The following NAA11 variants were observed in gnomAD, a reference collection of about 807,000 sequenced individuals.
The protein encoded by NAA11 is N-alpha-acetyltransferase 11.
Under a neutral mutation model 16.1 loss-of-function variants are expected in NAA11, and 15 were observed. The ratio of observed to expected loss-of-function variants is 0.93; its 90% confidence interval spans 0.62 to 1.44. The LOEUF (loss-of-function observed/expected upper bound fraction) is 1.44, where lower values mean the gene tolerates loss of function less well. Among genes scored for constraint, NAA11 ranks in the 40% most tolerant of loss-of-function variants. NAA11 has a pLI of 0.00. For missense variants in NAA11, 298 were observed against 291.3 expected (o/e 1.02, Z -0.17); for synonymous variants, 122 against 112.4 (o/e 1.09, Z -0.54).
chr4:79,321,099 A>C (rs1012564704), intron 1 of NAA11, among the ~76,000 whole-genome samples: 2 of 152,262 alleles, frequency 1.3e-5, no homozygotes, highest in South Asian at 2.1e-4. Flanking sequence ...TCCACGCCCA[A>C]GTTTGTGAAG....
the NAA11 span, among the ~76,000 whole-genome samples, chr4:79,190,446 T>A: frequency 8.6e-6 from 1 of 116,300 alleles, no homozygotes; most frequent in Admixed American, 1.1e-4. Flanking sequence ...TTTTGCTTCC[T>A]TGTCTCTCCC....
the NAA11 span, among the ~76,000 whole-genome samples, chr4:79,213,824 T>C: frequency 6.6e-6 from 1 of 152,312 alleles, no homozygotes. Flanking sequence ...TTCATTATAA[T>C]TGCTCACCTT....
chr4:79,221,655 C>T (rs1721190690), downstream of NAA11, among the ~76,000 whole-genome samples: 3 of 99,052 alleles, frequency 3.0e-5, no homozygotes, highest in Admixed American at 1.1e-4. Flanking sequence ...GTCTTTGGCT[C>T]TGTTTATATG....
chr4:79,313,575 T>C (rs757175725), downstream of NAA11, among the ~76,000 whole-genome samples: 1 of 152,172 alleles, frequency 6.6e-6, no homozygotes, highest in Non-Finnish European at 1.5e-5. Context: ...ATATGTATGA[T>C]TTAAAATGAA....
At chr4:79,188,714 T>C in the NAA11 span, among the ~76,000 whole-genome samples, 4 of 152,344 alleles carry the variant, frequency 2.6e-5, no homozygotes, top group Middle Eastern at 6.8e-3. Flanking sequence ...GATTCATCTC[T>C]TGACACGTTT....
At chr4:79,169,041 C>A in the NAA11 span, among the ~76,000 whole-genome samples, 103 of 152,220 alleles carry the variant, frequency 6.8e-4, 1 homozygote, top group African/African-American at 2.3e-3. Flanking sequence ...AGGAATACAA[C>A]TTACAAGGGA....
downstream of NAA11, among the ~76,000 whole-genome samples, chr4:79,223,668 T>A (rs1210081051): frequency 5.3e-5 from 8 of 150,922 alleles, no homozygotes; most frequent in Non-Finnish European, 8.9e-5. Context: ...AAAAGATTTC[T>A]CTACCAGTTG....
chr4:79,183,624 TGAAGAA>T, the NAA11 span, among the ~76,000 whole-genome samples: 6 of 152,214 alleles, frequency 3.9e-5, no homozygotes, highest in Admixed American at 2.0e-4. Flanking sequence ...TCTAATATCC[TGAAGAA>T]GTGCATAATT....
chr4:79,312,625 T>G (rs1172884825), downstream of NAA11, among the ~76,000 whole-genome samples: 1 of 126,216 alleles, frequency 7.9e-6, no homozygotes, highest in African/African-American at 3.2e-5. Flanking sequence ...AGCCCGGGTG[T>G]GACAGAGAGA....
At chr4:79,249,808 C>T (rs1560422932) in intron 2 of NAA11, among the ~76,000 whole-genome samples, 1 of 152,206 alleles carries the variant, frequency 6.6e-6, no homozygotes, top group South Asian at 2.1e-4. Context: ...GACACACAGT[C>T]ATCAGATTCT....
intron 1 of NAA11, chr4:79,305,285 T>A (rs1723543463): frequency 6.6e-6 from 1 of 152,210 alleles, no homozygotes. Flanking sequence ...TTTACATAGA[T>A]CTTAAATATT....
At chr4:79,176,550 C>T in the NAA11 span, among the ~76,000 whole-genome samples, 21 of 152,188 alleles carry the variant, frequency 1.4e-4, no homozygotes, top group African/African-American at 4.3e-4. Context: ...AGGCCTTCAA[C>T]TGATTGTTTG....
intron 1 of NAA11, among the ~76,000 whole-genome samples, chr4:79,302,705 A>C (rs1269224955): frequency 2.0e-5 from 3 of 152,162 alleles, no homozygotes; most frequent in African/African-American, 7.2e-5. Context: ...GTAACTTTCA[A>C]GTAAAATGGT....
At chr4:79,270,591 A>G (rs1722471060) in intron 2 of NAA11, among the ~76,000 whole-genome samples, 1 of 128,256 alleles carries the variant, frequency 7.8e-6, no homozygotes, top group South Asian at 2.8e-4. Context: ...AGAATTTTAG[A>G]CCAATATCCT....
intron 2 of NAA11, among the ~76,000 whole-genome samples, chr4:79,293,517 A>G (rs1219655020): frequency 1.3e-5 from 2 of 152,230 alleles, no homozygotes; most frequent in African/African-American, 4.8e-5. Flanking sequence ...CATTATTTTA[A>G]TTATACAGAT....
the NAA11 span, among the ~76,000 whole-genome samples, chr4:79,201,091 A>G: frequency 6.6e-6 from 1 of 151,592 alleles, no homozygotes; most frequent in Admixed American, 6.6e-5. Flanking sequence ...GTTTCATGCT[A>G]TTCTTAGAAA....
At chr4:79,239,622 C>T (rs575108044) in intron 2 of NAA11, among the ~76,000 whole-genome samples, 16 of 152,208 alleles carry the variant, frequency 1.1e-4, no homozygotes, top group Middle Eastern at 6.8e-3. Flanking sequence ...ATCGCTTGAA[C>T]CCGGAAGGCG....
At chr4:79,315,234 A>G (rs1052210281), downstream of NAA11, among the ~76,000 whole-genome samples, 2 of 152,156 alleles carry the variant, frequency 1.3e-5, no homozygotes, top group Admixed American at 6.5e-5. Flanking sequence ...TAATAACCAA[A>G]TGACTTAGCT....
the NAA11 span, among the ~76,000 whole-genome samples, chr4:79,157,148 C>A: frequency 1.3e-5 from 2 of 151,826 alleles, no homozygotes; most frequent in Non-Finnish European, 2.9e-5. Context: ...GTTGGCATTT[C>A]GTTATATGAG....
Sources: allele counts gnomAD v4.1 joint callset (sites outside exome capture counted in the v4.1 genomes callset), GRCh38; gene constraint gnomAD v4.1.1; transcripts MANE v1.5; gene names NCBI Gene and HGNC (gene_info 2026-07-23, HGNC 2026-07-21).